TNIK: variants seen among roughly 807,000 people sequenced by gnomAD.
The protein encoded by TNIK is TRAF2 and NCK-interacting protein kinase.
Under a neutral mutation model 191.3 loss-of-function variants are expected in TNIK, and 49 were observed. The observed-to-expected ratio is 0.26, with a 90% confidence interval of 0.20 to 0.32. The LOEUF is 0.32. TNIK is among the 10% of genes least tolerant of loss of function. TNIK has a pLI of 1.00. For synonymous variants in TNIK, 594 were observed against 600.9 expected (o/e 0.99, Z 0.17); for missense variants, 1,155 against 1,702.3 (o/e 0.68, Z 5.66).
chr3:171,276,871 A>G (rs1229114551), intron 2 of TNIK, among the ~76,000 whole-genome samples: 2 of 152,230 alleles, frequency 1.3e-5, no homozygotes, highest in African/African-American at 4.8e-5. Context: ...ATGTGTTCGG[A>G]GAAATTGGCA....
chr3:171,263,501 T>C (rs1747939572), intron 2 of TNIK, among the ~76,000 whole-genome samples: 1 of 152,224 alleles, frequency 6.6e-6, no homozygotes, highest in Non-Finnish European at 1.5e-5. Flanking sequence ...TCAATGATGT[T>C]GCCTTTTAAA....
At position 171,431,041 on chromosome 3, in the gene TNIK, A is replaced by G. The variant is rs568324378; in HGVS notation, c.57+28966T>C. Among the ~76,000 whole-genome samples, 3 of 152,218 alleles carry G rather than the reference A, an allele frequency of 2.0e-5. No individual in the cohort carries two copies. In the South Asian group the frequency reaches 6.2e-4, roughly 32 times the overall value. On this transcript the variant is annotated intron_variant, in intron 1 of 32. Transcript: ENST00000436636. ...CCCAGTAATAATGAATTACGCACTT[A>G]TTTCATAGGTCCGTCCTGCTTGTTT... is the stretch of plus-strand genomic sequence containing the variant.
At chr3:171,238,191 T>G (rs1744532926) in intron 2 of TNIK, among the ~76,000 whole-genome samples, 1 of 152,098 alleles carries the variant, frequency 6.6e-6, no homozygotes, top group Non-Finnish European at 1.5e-5. Context: ...AGTTGTTTTA[T>G]AAATGCAGGA....
At chr3:171,359,251 C>T (rs1714623901) in intron 2 of TNIK, among the ~76,000 whole-genome samples, 2 of 152,176 alleles carry the variant, frequency 1.3e-5, no homozygotes, top group South Asian at 2.1e-4. Flanking sequence ...TCAAGCCATA[C>T]TCGAAGTATC....
intron 2 of TNIK, among the ~76,000 whole-genome samples, chr3:171,353,001 T>TA (rs1345813363): frequency 6.6e-6 from 1 of 152,178 alleles, no homozygotes; most frequent in African/African-American, 2.4e-5. Context: ...TAGGATAATT[T>TA]AAAAAACATT....
At chr3:171,427,802 GATAAGCGCCATGGAGTTACAACTTATAAA>G (rs1464291019) in intron 1 of TNIK, among the ~76,000 whole-genome samples, 7 of 152,204 alleles carry the variant, frequency 4.6e-5, no homozygotes, top group Non-Finnish European at 1.0e-4. Context: ...TAAGTCAGGT[GATAAGCGCCATGGAGTTACAACTTATAAA>G]AGAGTGTCCT....
At chr3:171,215,816 T>C (rs1472164676) in intron 3 of TNIK, among the ~76,000 whole-genome samples, 3 of 152,170 alleles carry the variant, frequency 2.0e-5, no homozygotes, top group African/African-American at 7.2e-5. Flanking sequence ...GAATAAAACA[T>C]TTAATATTAG....
At chr3:171,213,401 T>C (rs1741090071) in intron 3 of TNIK, among the ~76,000 whole-genome samples, 1 of 152,100 alleles carries the variant, frequency 6.6e-6, no homozygotes, top group South Asian at 2.1e-4. Context: ...CGGATCACTT[T>C]CCAACTGCAG....
intron 2 of TNIK, among the ~76,000 whole-genome samples, chr3:171,361,724 C>A (rs1427141810): frequency 1.3e-5 from 2 of 152,104 alleles, no homozygotes; most frequent in Non-Finnish European, 2.9e-5. Flanking sequence ...CCCAAGATAA[C>A]AGGAATCTGC....
intron 4 of TNIK, among the ~76,000 whole-genome samples, chr3:171,195,112 A>G (rs1738531617): frequency 6.6e-6 from 1 of 152,170 alleles, no homozygotes; most frequent in South Asian, 2.1e-4. Context: ...TCTGTTTTTA[A>G]TTAACTTCAG....
chr3:171,367,066 C>T (rs775727613), intron 2 of TNIK, among the ~76,000 whole-genome samples: 5 of 152,032 alleles, frequency 3.3e-5, no homozygotes, highest in East Asian at 1.9e-4. Flanking sequence ...TTCATAGCAG[C>T]GGGAGAACAG....
intron 26 of TNIK, among the ~76,000 whole-genome samples, chr3:171,083,517 A>C (rs1720945097): frequency 6.6e-6 from 1 of 152,186 alleles, no homozygotes; most frequent in Non-Finnish European, 1.5e-5. Context: ...CTTTGATAGA[A>C]TCTCATCATG....
At chr3:171,282,925 A>G (rs2109264553) in intron 2 of TNIK, among the ~76,000 whole-genome samples, 1 of 152,314 alleles carries the variant, frequency 6.6e-6, no homozygotes, top group East Asian at 1.9e-4. Flanking sequence ...TTCTACCAGC[A>G]GAATGATGTA....
chr3:171,071,165 T>G, intron 29 of TNIK, 58 bp downstream of exon 29: 2 of 1,375,292 alleles, frequency 1.5e-6, no homozygotes, highest in Non-Finnish European at 2.0e-6. Context: ...ATTTTATTAA[T>G]GGGTAGAAAC....
rs939172548 is a variant in TNIK at position 171,068,912 on chromosome 3, T to G, written c.3635A>C (p.His1212Pro). 2.5e-6 allele frequency: 4 copies of G among 1,613,880 alleles called. No homozygotes were observed. The highest frequency in any genetic ancestry group is 3.3e-5 in the Admixed American group (2 of 60,020). Residue 1212 changes from histidine (H) to proline (P), a missense_variant, in exon 30 of 33, where the codon CAC becomes CCC. By Grantham distance (77) the His-to-Pro change is moderately conservative. This residue lies in a region of TNIK where 195 missense variants were observed against 415.4 expected (regional missense o/e 0.47). Transcript: ENST00000436636. ...AACATCAATTACATGGAAACCAGTG[T>G]GTGAACCAAAAATAACCTTTAATCT... Reference protein sequence around the residue: ...GQRLKVIFGSHTGFHVIDVDS... With the variant: ...GQRLKVIFGSPTGFHVIDVDS...
intron 1 of TNIK, among the ~76,000 whole-genome samples, chr3:171,375,743 C>T (rs1347946129): frequency 6.6e-6 from 1 of 152,204 alleles, no homozygotes; most frequent in Non-Finnish European, 1.5e-5. Flanking sequence ...AAGTCTGTAA[C>T]TAGGATGACT....
chr3:171,417,654 T>C (rs537809834), intron 1 of TNIK, among the ~76,000 whole-genome samples: 22 of 152,324 alleles, frequency 1.4e-4, no homozygotes, highest in Admixed American at 2.0e-4. Flanking sequence ...CATCAGGCTC[T>C]GAGACAGTCA....
chr3:171,163,441 C>G (rs1577011168), intron 10 of TNIK, among the ~76,000 whole-genome samples: 1 of 152,116 alleles, frequency 6.6e-6, no homozygotes, highest in Non-Finnish European at 1.5e-5. Flanking sequence ...ACATGCCTTG[C>G]TTTTCACACT....
chr3:171,225,398 A>G (rs1048147855), intron 3 of TNIK: 3 of 307,972 alleles, frequency 9.7e-6, no homozygotes, highest in African/African-American at 6.7e-5. Flanking sequence ...AATAATCATC[A>G]ATGACATGAC....
Sources: gnomAD v4.1 joint callset for allele counts (sites outside exome capture counted in the v4.1 genomes callset) on GRCh38, gnomAD v4.1.1 for gene constraint, gnomAD v4.1.1 regional missense constraint, MANE v1.5 for transcripts, NCBI Gene and HGNC (gene_info 2026-07-23, HGNC 2026-07-21) for gene names.